Variants in KIRREL3 observed in about 807,000 individuals in gnomAD.
KIRREL3 encodes kirre like nephrin family adhesion molecule 3.
Under a neutral mutation model 89.7 loss-of-function variants are expected in KIRREL3, and 36 were observed. The ratio of observed to expected loss-of-function variants is 0.40; its 90% CI spans 0.31 to 0.53. The LOEUF is 0.53. Among genes scored for constraint, KIRREL3 ranks in the 20% least tolerant of loss-of-function variants. The probability of loss-of-function intolerance (pLI) is 0.49; values close to 1 mark genes in which losing one functional copy is unlikely to be tolerated. For synonymous variants in KIRREL3, 445 were observed against 441.4 expected (o/e 1.01, Z -0.10); for missense variants, 864 against 1,056.6 (o/e 0.82, Z 2.53).
chr11:126,549,863 G>A (rs937417739), intron 2 of KIRREL3: 21 of 152,202 alleles, frequency 1.4e-4, no homozygotes, highest in African/African-American at 3.4e-4. Flanking sequence ...CCACCGCCTC[G>A]GCAGGCTGCA....
Position 126,445,080 on chromosome 11 carries a change from G to A in KIRREL3, c.1151C>T (p.Thr384Ile). ...GVVLSNEKTLTLKSVRQEDAG... is the reference protein window; with the variant it reads ...GVVLSNEKTLILKSVRQEDAG... ...GTCCTCCTGGCGCACGGATTTGAGG[G>A]TCAGGGTCTTCTCATTGCTCAGGAC... Residue 384 changes from threonine (T) to isoleucine (I), a missense_variant, in exon 10 of 17, where the codon ACC (threonine) becomes ATC (isoleucine). Transcript: ENST00000525144. 1 of 1,614,028 alleles carries A rather than the reference G, an allele frequency of 6.2e-7. No homozygotes were observed.
intron 1 of KIRREL3, among the ~76,000 whole-genome samples, chr11:126,829,570 C>T (rs1943534723): frequency 6.6e-6 from 1 of 152,100 alleles, no homozygotes; most frequent in South Asian, 2.1e-4. Flanking sequence ...AAATCCTTGT[C>T]TTACAGATGG....
upstream of KIRREL3, chr11:127,003,300 G>C (rs1950347955): frequency 1.3e-5 from 2 of 152,290 alleles, no homozygotes. Flanking sequence ...AGCCTCGACG[G>C]CGGCCCCGCC....
chr11:126,983,414 T>G lies in KIRREL3; in HGVS notation c.55+17041A>C, dbSNP rs1740982417. Among the ~76,000 whole-genome samples, 1 of 152,182 alleles carries G rather than the reference T, an allele frequency of 6.6e-6. No individual in the cohort carries two copies. Among genetic ancestry groups the G allele is most frequent in the Non-Finnish European group, 1.5e-5 (1 of 68,038 alleles). On this transcript the variant is annotated intron_variant, in intron 1 of 16. Transcript: ENST00000525144. The surrounding 1 kb of genome is among the most constrained non-coding windows in gnomAD (Gnocchi z 4.9). ...GAATAATGGCCGCCAAAGATGCCCA[T>G]GTCCTAATCCCTTTACAGGACAAAA...
chr11:126,539,184 T>C (rs751512172), intron 2 of KIRREL3, among the ~76,000 whole-genome samples: 1 of 152,168 alleles, frequency 6.6e-6, no homozygotes. Flanking sequence ...GAGAATGAAA[T>C]AGGTCATTCT....
At position 126,985,031 on chromosome 11, in the gene KIRREL3, T is replaced by C. The variant is rs1464527524; in HGVS notation, c.55+15424A>G. On this transcript the variant is annotated intron_variant, in intron 1 of 16. Coordinates refer to ENST00000525144, the MANE Select transcript of KIRREL3 (RefSeq NM_032531.4). This position sits in a 1 kb window ranked among gnomAD's most constrained non-coding sequence, Gnocchi z 5.3. The stretch of plus-strand genomic sequence containing the variant: ...AGAGTTGATTCAGGGAGGAAGACCA[T>C]AATTAATGTGAAAGTGTTCTGGAAC... Among the ~76,000 whole-genome samples, 1 of 152,164 alleles carries C rather than the reference T, an allele frequency of 6.6e-6. No individual in the cohort carries two copies. Among genetic ancestry groups the C allele is most frequent in the African/African-American group, 2.4e-5 (1 of 41,442 alleles).
rs897878296 is a variant in KIRREL3 at position 126,607,822 on chromosome 11, C to T, written c.56-44910G>A. ...GCAGGGTACACAGATGAATAGGGAGCGTTGCTGAGCACTTGCAATCAAGAC... is the reference window on the plus strand; with the variant it reads ...GCAGGGTACACAGATGAATAGGGAGTGTTGCTGAGCACTTGCAATCAAGAC... On this transcript the variant is annotated intron_variant, in intron 1 of 16. Coordinates refer to ENST00000525144, the MANE Select transcript of KIRREL3 (RefSeq NM_032531.4). This position sits in a 1 kb window ranked among gnomAD's most constrained non-coding sequence, Gnocchi z 6.6. Among the ~76,000 whole-genome samples the T allele has an allele frequency of 3.3e-5, 5 of 152,144 alleles. No homozygotes were observed. In the East Asian group the frequency reaches 5.8e-4, roughly 18 times the overall value.
chr11:126,822,070 A>G (rs1056141911), intron 1 of KIRREL3, among the ~76,000 whole-genome samples: 1 of 152,200 alleles, frequency 6.6e-6, no homozygotes, highest in African/African-American at 2.4e-5. Context: ...ATGCAGAGTT[A>G]ATGAGAGAAT....
At chr11:126,753,040 G>A (rs1297556856) in intron 1 of KIRREL3, among the ~76,000 whole-genome samples, 2 of 152,156 alleles carry the variant, frequency 1.3e-5, no homozygotes, top group Admixed American at 6.6e-5. Context: ...GGAGACATAA[G>A]CCCTCCACAA....
At position 126,656,364 on chromosome 11, in the gene KIRREL3, A is replaced by C. The variant is rs1945138835; in HGVS notation, c.56-93452T>G. On this transcript the variant is annotated intron_variant, in intron 1 of 16. Transcript: ENST00000525144. The surrounding 1 kb of genome is among the most constrained non-coding windows in gnomAD (Gnocchi z 4.0). ...ACTCTTAGCACCCAATAAGCCTTCAAAATTATAATTGTTTTGTATGTTTTG... is the reference window on the plus strand; with the variant it reads ...ACTCTTAGCACCCAATAAGCCTTCACAATTATAATTGTTTTGTATGTTTTG... 6.6e-6 allele frequency among the ~76,000 whole-genome samples: 1 copy of C among 152,232 alleles called. No homozygotes were observed. The highest frequency in any genetic ancestry group is 2.4e-5 in the African/African-American group (1 of 41,464).
chr11:126,507,697 C>A (rs1273404902), intron 4 of KIRREL3, among the ~76,000 whole-genome samples: 5 of 152,132 alleles, frequency 3.3e-5, no homozygotes, highest in Non-Finnish European at 1.5e-5. Context: ...GATTAAAGGG[C>A]TCCTTCATCT....
chr11:126,748,730 G>A lies in KIRREL3; in HGVS notation c.56-185818C>T, dbSNP rs186825053. On this transcript the variant is annotated intron_variant, in intron 1 of 16. Transcript: ENST00000525144. The surrounding 1 kb of genome is among the most constrained non-coding windows in gnomAD (Gnocchi z 4.6). ...ACAAATGAGGATTAAACCAGGCCAC[G>A]TGTGCCATCCATCGCTGTGATAAAA... 1.4e-4 allele frequency among the ~76,000 whole-genome samples: 21 copies of A among 152,206 alleles called. 1 individual carries two copies. Among genetic ancestry groups the A allele is most frequent in the Admixed American group, 6.5e-4 (10 of 15,280 alleles).
In KIRREL3 at chr11:126,807,913, T is replaced by A. The variant is rs1951256313; in HGVS notation, c.55+192542A>T. ...GGAAGCTCAAGTTGTGTGACTAATA[T>A]GCCCAAGGCCATGGGCTGCAACCTT... On this transcript the variant is annotated intron_variant, in intron 1 of 16. Transcript: ENST00000525144. This position sits in a 1 kb window ranked among gnomAD's most constrained non-coding sequence, Gnocchi z 4.3. Among the ~76,000 whole-genome samples, 1 of 152,164 alleles carries A rather than the reference T, an allele frequency of 6.6e-6. No individual in the cohort carries two copies. Among genetic ancestry groups the A allele is most frequent in the Admixed American group, 6.5e-5 (1 of 15,284 alleles).
intron 1 of KIRREL3, among the ~76,000 whole-genome samples, chr11:126,862,901 C>A (rs1180443342): frequency 6.6e-6 from 1 of 152,220 alleles, no homozygotes; most frequent in East Asian, 1.9e-4. Context: ...GCTTTGCTGG[C>A]AGTTTCTCAC....
rs78209319 is a variant in KIRREL3 at position 126,564,656 on chromosome 11, G to T, written c.56-1744C>A. On this transcript the variant is annotated intron_variant, in intron 1 of 16. Coordinates refer to ENST00000525144, the MANE Select transcript of KIRREL3 (RefSeq NM_032531.4). The surrounding 1 kb of genome is among the most constrained non-coding windows in gnomAD (Gnocchi z 7.4). ...TTAAGTTCCCTCATTCAAGGCCTTG[G>T]CCCTTTCTTCAGGGGCTCCTGCTCT... Among the ~76,000 whole-genome samples, 4,003 of 152,202 alleles carry T rather than the reference G, an allele frequency of 0.026. 170 individuals carry two copies. Among genetic ancestry groups the T allele is most frequent in the African/African-American group, 0.089 (3,700 of 41,500 alleles).
intron 1 of KIRREL3, among the ~76,000 whole-genome samples, chr11:126,757,671 A>C (rs752456818): frequency 1.3e-5 from 2 of 152,214 alleles, no homozygotes; most frequent in African/African-American, 2.4e-5. Context: ...GTGTTGTTAT[A>C]ATAGGGCTCA....
At chr11:126,836,099 T>C (rs1337984960) in intron 1 of KIRREL3, among the ~76,000 whole-genome samples, 1 of 152,356 alleles carries the variant, frequency 6.6e-6, no homozygotes, top group South Asian at 2.1e-4. Flanking sequence ...CCTGTGTTCT[T>C]CTTCCTGTAG....
At position 126,811,561 on chromosome 11, in the gene KIRREL3, T is replaced by C. The variant is rs1224142044; in HGVS notation, c.55+188894A>G. On this transcript the variant is annotated intron_variant, in intron 1 of 16. Coordinates refer to ENST00000525144, the MANE Select transcript of KIRREL3 (RefSeq NM_032531.4). The surrounding 1 kb of genome is among the most constrained non-coding windows in gnomAD (Gnocchi z 4.3). ...TACAGCTGACCCTTCCCTCACAGCA[T>C]GCAACGTTAGCAATGAACTTCTTTT... Among the ~76,000 whole-genome samples, 1 of 152,232 alleles carries C rather than the reference T, an allele frequency of 6.6e-6. No homozygotes were observed. Among genetic ancestry groups the C allele is most frequent in the Non-Finnish European group, 1.5e-5 (1 of 68,044 alleles).
At chr11:126,856,654 C>T (rs1247447686) in intron 1 of KIRREL3, among the ~76,000 whole-genome samples, 3 of 148,866 alleles carry the variant, frequency 2.0e-5, no homozygotes, top group South Asian at 2.1e-4. Flanking sequence ...CTCGCTCTGT[C>T]GCCCAGACTG....
Sources: gnomAD v4.1 joint callset for allele counts (sites outside exome capture counted in the v4.1 genomes callset) on GRCh38, gnomAD v4.1.1 for gene constraint, Gnocchi (gnomAD v3.1) non-coding constraint, MANE v1.5 for transcripts, NCBI Gene and HGNC (gene_info 2026-07-23, HGNC 2026-07-21) for gene names.